CCDC68: variants seen among roughly 807,000 people sequenced by gnomAD.
CCDC68 encodes coiled-coil domain containing 68.
CCDC68 carries 45 observed loss-of-function variants against 47.1 expected under a neutral mutation model. The observed-to-expected ratio is 0.96, with a 90% confidence interval of 0.75 to 1.23. The LOEUF (loss-of-function observed/expected upper bound fraction) is 1.23. Among genes scored for constraint, CCDC68 ranks in the 50% most tolerant of loss-of-function variants. CCDC68 has a pLI of 0.00. For synonymous variants in CCDC68, 131 were observed against 129.5 expected (o/e 1.01, Z -0.08); for missense variants, 353 against 373.6 (o/e 0.94, Z 0.45).
intron 7 of CCDC68, among the ~76,000 whole-genome samples, chr18:54,930,080 A>C (rs1182595272): frequency 6.6e-6 from 1 of 152,222 alleles, no homozygotes. Context: ...ACATAATCCC[A>C]AAGGTTATGA....
intron 8 of CCDC68, 80 bp from the exon 9 acceptor site, chr18:54,919,456 C>T: frequency 3.5e-6 from 4 of 1,153,148 alleles, no homozygotes; most frequent in East Asian, 4.7e-5. Flanking sequence ...GCTAGCCCTC[C>T]TACACACTCT....
At position 54,917,927 on chromosome 18, in the gene CCDC68, T is replaced by C. The variant is rs1451378396; in HGVS notation, c.859A>G (p.Ile287Val). ...TCCCTCCTTACCTGGGCTTCAAGTA[T>C]GTTAACCTTTTCTCTGAGATTTTCA... ...RIENLREKVN[I>V]LEAQNKELKT... Residue 287 changes from isoleucine to valine, a missense_variant, in exon 10 of 12, where the codon ATA becomes GTA. Coordinates refer to ENST00000591504, the MANE Select transcript of CCDC68 (RefSeq NM_025214.3). The C allele has an allele frequency of 1.9e-6, 3 of 1,575,954 alleles. No homozygotes were observed. Among genetic ancestry groups the C allele is most frequent in the Admixed American group, 1.7e-5 (1 of 58,594 alleles).
chr18:54,942,061 G>A (rs2044447126), intron 3 of CCDC68, among the ~76,000 whole-genome samples: 1 of 152,164 alleles, frequency 6.6e-6, no homozygotes, highest in Non-Finnish European at 1.5e-5. Flanking sequence ...GCCTCCCAAA[G>A]TGCTGGGATT....
At position 54,902,562 on chromosome 18, in the gene CCDC68, C is replaced by G. The variant is rs949833093; in HGVS notation, c.*1796G>C. The G allele has an allele frequency of 6.6e-6, 1 of 152,148 alleles. No individual in the cohort carries two copies. Among genetic ancestry groups the G allele is most frequent in the Non-Finnish European group, 1.5e-5 (1 of 68,026 alleles). The allele number at this position is 152,148 out of a possible 1,614,324, so 9.4% of individuals were successfully genotyped here. ...AAATGTATGATAAACAGATTTTTAG[C>G]AGGGAAGTTTGTCTGAACTGAGTTC... On this transcript the variant is annotated 3_prime_UTR_variant, in exon 12 of 12. Coordinates refer to ENST00000591504, the MANE Select transcript of CCDC68 (RefSeq NM_025214.3).
intron 10 of CCDC68, among the ~76,000 whole-genome samples, chr18:54,912,142 T>C (rs1026230990): frequency 6.6e-6 from 1 of 152,192 alleles, no homozygotes; most frequent in Non-Finnish European, 1.5e-5. Flanking sequence ...TGATGGTGCT[T>C]ATATAAAGTA....
chr18:54,953,344 T>C (rs955425715), intron 1 of CCDC68, among the ~76,000 whole-genome samples: 18 of 152,110 alleles, frequency 1.2e-4, no homozygotes, highest in African/African-American at 4.3e-4. Context: ...ATTTAAAAAA[T>C]AGTAACCTGG....
At chr18:54,951,911 T>G (rs577535622) in intron 1 of CCDC68, among the ~76,000 whole-genome samples, 2 of 152,220 alleles carry the variant, frequency 1.3e-5, no homozygotes, top group African/African-American at 4.8e-5. Flanking sequence ...TAAGCCTCAG[T>G]TCCTCAACAG....
chr18:54,928,997 G>A, intron 7 of CCDC68, 115 bp from the exon 8 acceptor site: 3 of 654,420 alleles, frequency 4.6e-6, no homozygotes, highest in Non-Finnish European at 8.1e-6. Flanking sequence ...CACATGTGCT[G>A]TTACTCCTCA....
chr18:54,941,129 C>T, intron 3 of CCDC68, 46 bp from the exon 4 acceptor site: 1 of 1,396,600 alleles, frequency 7.2e-7, no homozygotes, highest in Non-Finnish European at 1.0e-6. Flanking sequence ...CATTTAATGC[C>T]AAACGCTTTT....
intron 1 of CCDC68, among the ~76,000 whole-genome samples, chr18:54,948,238 C>G (rs994463399): frequency 2.0e-5 from 3 of 151,970 alleles, no homozygotes; most frequent in Non-Finnish European, 2.9e-5. Flanking sequence ...ATCCCTACTC[C>G]AATATGACTG....
At chr18:54,929,559 C>T (rs919404749) in intron 7 of CCDC68, among the ~76,000 whole-genome samples, 1 of 152,090 alleles carries the variant, frequency 6.6e-6, no homozygotes, top group African/African-American at 2.4e-5. Flanking sequence ...TATTTGATGG[C>T]ACTCAGCTGA....
chr18:54,909,700 G>T (rs1288369781), intron 10 of CCDC68, among the ~76,000 whole-genome samples: 1 of 152,222 alleles, frequency 6.6e-6, no homozygotes, highest in East Asian at 1.9e-4. Flanking sequence ...GGCACACAGC[G>T]CCGGGTACTG....
intron 1 of CCDC68, among the ~76,000 whole-genome samples, chr18:54,954,015 C>T (rs1243954639): frequency 4.6e-5 from 4 of 87,200 alleles, no homozygotes; most frequent in East Asian, 4.0e-4. Flanking sequence ...CCCCTCCCCT[C>T]GCCTTCCCTT....
intron 8 of CCDC68, among the ~76,000 whole-genome samples, chr18:54,928,245 A>G (rs181829482): frequency 6.6e-6 from 1 of 152,340 alleles, no homozygotes; most frequent in Admixed American, 6.5e-5. Flanking sequence ...GATATCCACA[A>G]ACCCATCCCC....
intron 8 of CCDC68, among the ~76,000 whole-genome samples, chr18:54,927,470 A>T (rs2044165712): frequency 6.6e-6 from 1 of 152,198 alleles, no homozygotes; most frequent in African/African-American, 2.4e-5. Context: ...AGGAAAAAAA[A>T]AATCAAGCTT....
chr18:54,935,062 G>T, intron 6 of CCDC68, 114 bp from the exon 7 acceptor site: 2 of 726,768 alleles, frequency 2.8e-6, no homozygotes, highest in Non-Finnish European at 2.0e-6. Flanking sequence ...ATTCATACTT[G>T]TTTAGAATTA....
intron 10 of CCDC68, among the ~76,000 whole-genome samples, chr18:54,914,151 G>A (rs2043904235): frequency 6.6e-6 from 1 of 152,156 alleles, no homozygotes; most frequent in Non-Finnish European, 1.5e-5. Context: ...AAAAATATCT[G>A]TTGAATAAAT....
chr18:54,927,982 T>C (rs776556820), intron 8 of CCDC68, among the ~76,000 whole-genome samples: 1 of 152,156 alleles, frequency 6.6e-6, no homozygotes, highest in Non-Finnish European at 1.5e-5. Context: ...ATTGAATAAA[T>C]GACAACAATT....
chr18:54,954,062 T>TTC (rs2044671067), intron 1 of CCDC68, among the ~76,000 whole-genome samples: 1 of 147,154 alleles, frequency 6.8e-6, no homozygotes, highest in East Asian at 2.0e-4. Flanking sequence ...CTTTCTTTTT[T>TTC]TTTTTTTGTT....
Sources: allele counts gnomAD v4.1 joint callset (sites outside exome capture counted in the v4.1 genomes callset), GRCh38; gene constraint gnomAD v4.1.1; transcripts MANE v1.5; gene names NCBI Gene and HGNC (gene_info 2026-07-23, HGNC 2026-07-21).